The following PCDHA1 variants were observed in gnomAD, a reference collection of about 807,000 sequenced individuals.
The protein encoded by PCDHA1 is protocadherin alpha 1, also known as protocadherin alpha-1.
In PCDHA1, 42 loss-of-function variants were observed where a neutral mutation model predicts 61.3. That is an observed-to-expected ratio of 0.69 (90% CI 0.54 to 0.89). The LOEUF (loss-of-function observed/expected upper bound fraction) is 0.89. PCDHA1 is among the 40% of genes least tolerant of loss of function. PCDHA1 has a pLI of 0.00. For missense variants in PCDHA1, 1,256 were observed against 1,235.3 expected (o/e 1.02, Z -0.25); for synonymous variants, 610 against 553.8 (o/e 1.10, Z -1.43).
At position 140,801,543 on chromosome 5, in the gene PCDHA1, G is replaced by T. The variant is rs369003662; in HGVS notation, c.2394+12859G>T. On this transcript the variant is annotated intron_variant, in intron 1 of 3. Transcript: ENST00000504120. ...GGTGATCGTGGACAGGCCGCTGCAG[G>T]TTTTCCATGTGGAGGTGGAAGTGAA... 3.1e-6 allele frequency: 5 copies of T among 1,614,140 alleles called. No homozygotes were observed. The African/African-American group carries it at 6.7e-5, about 22-fold the overall frequency.
intron 1 of PCDHA1, among the ~76,000 whole-genome samples, chr5:140,916,719 A>G (rs921368119): frequency 2.0e-5 from 3 of 152,128 alleles, no homozygotes; most frequent in Non-Finnish European, 2.9e-5. Context: ...GGAAGGAGTG[A>G]CTTTTGTTGC....
At chr5:140,972,276 A>G (rs1471308188) in intron 1 of PCDHA1, among the ~76,000 whole-genome samples, 1 of 150,442 alleles carries the variant, frequency 6.6e-6, no homozygotes, top group Non-Finnish European at 1.5e-5. Flanking sequence ...AGTAGCTTGG[A>G]CCATAGATGT....
chr5:140,987,636 C>A (rs569411440), intron 3 of PCDHA1, among the ~76,000 whole-genome samples: 1 of 152,256 alleles, frequency 6.6e-6, no homozygotes, highest in African/African-American at 2.4e-5. Context: ...TGAGATAATG[C>A]ACACATATTG....
rs2150482959 is a variant in PCDHA1, at chr5:140,850,410, G to C, written c.2394+61726G>C. The C allele has an allele frequency of 5.8e-5, 93 of 1,597,818 alleles. 8 individuals carry two copies. The highest frequency in any genetic ancestry group is 7.6e-5 in the Non-Finnish European group (89 of 1,167,718). On this transcript the variant is annotated intron_variant, in intron 1 of 3. Coordinates refer to ENST00000504120, the MANE Select transcript of PCDHA1 (RefSeq NM_018900.4). ...GATCAGCACAACGCGTGCCCTGGAC[G>C]AAACGGACGCACCGCGCCAGCGCCT...
intron 1 of PCDHA1, chr5:140,830,444 A>G (rs1204273362): frequency 1.2e-6 from 2 of 1,603,464 alleles, no homozygotes; most frequent in African/African-American, 2.7e-5. Flanking sequence ...TATGATGGGT[A>G]AGGCGGAGAA....
At chr5:140,949,816 A>G (rs1223140568) in intron 1 of PCDHA1, among the ~76,000 whole-genome samples, 2 of 151,532 alleles carry the variant, frequency 1.3e-5, no homozygotes, top group African/African-American at 4.8e-5. Context: ...TTTGCTTTCT[A>G]TTTGTCCCCT....
In PCDHA1 at chr5:140,829,954, G is replaced by A. The variant is rs2150178517; in HGVS notation, c.2394+41270G>A. 14 of 1,613,992 alleles carry A rather than the reference G, an allele frequency of 8.7e-6. No individual in the cohort carries two copies. In the South Asian group the frequency reaches 9.9e-5, roughly 11 times the overall value. ...CCCCGGCAAGCAGCGCTCGCTTCCC[G>A]TTTCGCGTGGGGCTGTACACGGGCG... On this transcript the variant is annotated intron_variant, in intron 1 of 3. Transcript: ENST00000504120.
intron 1 of PCDHA1, chr5:140,869,082 T>A: frequency 6.3e-7 from 1 of 1,582,446 alleles, no homozygotes; most frequent in South Asian, 1.2e-5. Context: ...GAAGCTTATT[T>A]TGGAAGCCAA....
At chr5:140,835,863 CTGG>C in intron 1 of PCDHA1, 1 of 1,612,100 alleles carries the variant, frequency 6.2e-7, no homozygotes, top group Non-Finnish European at 8.5e-7. Context: ...GTCCTACTCG[CTGG>C]TGGAGCTGCG....
chr5:140,884,872 T>C (rs1427684688), intron 1 of PCDHA1, among the ~76,000 whole-genome samples: 1 of 152,216 alleles, frequency 6.6e-6, no homozygotes, highest in African/African-American at 2.4e-5. Context: ...CATAATGAAA[T>C]GTGCAAAACA....
chr5:141,002,673 C>T (rs2098090242), intron 3 of PCDHA1, among the ~76,000 whole-genome samples: 3 of 152,180 alleles, frequency 2.0e-5, no homozygotes, highest in Admixed American at 2.0e-4. Context: ...GGACCAAAAC[C>T]TATACGACGT....
intron 3 of PCDHA1, among the ~76,000 whole-genome samples, chr5:141,005,828 T>A (rs752447584): frequency 6.7e-6 from 1 of 149,690 alleles, no homozygotes; most frequent in African/African-American, 2.5e-5. Context: ...TGGCCTGTAG[T>A]CCCAGCCACT....
At chr5:140,938,415 T>A (rs1034279514) in intron 1 of PCDHA1, among the ~76,000 whole-genome samples, 6 of 152,190 alleles carry the variant, frequency 3.9e-5, no homozygotes, top group African/African-American at 1.4e-4. Context: ...TTGGGTTTAT[T>A]TGCAAAAATC....
At chr5:140,838,084 G>A (rs1419465245) in intron 1 of PCDHA1, among the ~76,000 whole-genome samples, 2 of 31,492 alleles carry the variant, frequency 6.4e-5, no homozygotes, top group East Asian at 1.1e-3. Context: ...TATAGTGTGT[G>A]TGTGTGTGTG....
intron 1 of PCDHA1, chr5:140,829,251 G>C: frequency 6.2e-7 from 1 of 1,614,268 alleles, no homozygotes; most frequent in Non-Finnish European, 8.5e-7. Flanking sequence ...CAGGTGAACT[G>C]CTCGCTGACG....
chr5:140,829,779 C>T (rs782207845), intron 1 of PCDHA1: 10 of 1,613,790 alleles, frequency 6.2e-6, no homozygotes, highest in Non-Finnish European at 6.8e-6. Context: ...GACAACGCGC[C>T]GGCGCTGCTG....
At chr5:140,936,833 A>G (rs186890408) in intron 1 of PCDHA1, among the ~76,000 whole-genome samples, 1 of 152,276 alleles carries the variant, frequency 6.6e-6, no homozygotes, top group East Asian at 1.9e-4. Context: ...GCATTTCTAT[A>G]TAAATTGTAG....
chr5:140,866,149 T>C (rs1554160036), intron 1 of PCDHA1: 1 of 152,130 alleles, frequency 6.6e-6, no homozygotes, highest in Non-Finnish European at 1.5e-5. Flanking sequence ...GGAAGTGATA[T>C]AAGTAAGAAT....
chr5:140,884,518 C>G, intron 1 of PCDHA1: 2 of 1,614,054 alleles, frequency 1.2e-6, no homozygotes, highest in Non-Finnish European at 1.7e-6. Context: ...GTTGGTCGTA[C>G]TCGCAGCAGA....
Sources: gnomAD v4.1 joint callset for allele counts (sites outside exome capture counted in the v4.1 genomes callset) on GRCh38, gnomAD v4.1.1 for gene constraint, MANE v1.5 for transcripts, NCBI Gene and HGNC (gene_info 2026-07-23, HGNC 2026-07-21) for gene names.